Variants in MYRIP observed in about 807,000 individuals in gnomAD.
MYRIP encodes the protein rab effector MyRIP.
In MYRIP, 49 loss-of-function variants were observed where a neutral mutation model predicts 98.0. The ratio of observed to expected loss-of-function variants is 0.50; its 90% CI spans 0.40 to 0.63. The LOEUF (loss-of-function observed/expected upper bound fraction) is 0.63, where lower values mean the gene tolerates loss of function less well. Among genes scored for constraint, MYRIP ranks in the 30% least tolerant of loss-of-function variants. MYRIP has a pLI of 0.00. For synonymous variants in MYRIP, 404 were observed against 409.5 expected, an observed-to-expected ratio of 0.99 and a Z score of 0.16; for missense variants, 1,004 against 1,058.2, an observed-to-expected ratio of 0.95 and a Z score of 0.71.
At chr3:39,846,635 A>G (rs1378969743) in intron 1 of MYRIP, among the ~76,000 whole-genome samples, 1 of 152,172 alleles carries the variant, frequency 6.6e-6, no homozygotes, top group East Asian at 1.9e-4. Context: ...ATCAGATGCT[A>G]TTATCTACTT....
At chr3:40,192,255 C>T (rs1485965028) in intron 10 of MYRIP, among the ~76,000 whole-genome samples, 1 of 116,536 alleles carries the variant, frequency 8.6e-6, no homozygotes, top group Non-Finnish European at 1.7e-5. Flanking sequence ...GCAACAGGCC[C>T]TCACCTTTCT....
intron 2 of MYRIP, among the ~76,000 whole-genome samples, chr3:39,918,766 G>A (rs957507142): frequency 3.3e-5 from 5 of 152,222 alleles, no homozygotes; most frequent in Admixed American, 6.5e-5. Context: ...CCAAAAAACA[G>A]GTTATGGTGG....
chr3:40,158,898 G>A (rs964315361), intron 4 of MYRIP, among the ~76,000 whole-genome samples: 16 of 151,814 alleles, frequency 1.1e-4, no homozygotes, highest in African/African-American at 1.2e-4. Flanking sequence ...GTCTCTGCAC[G>A]TGAGATGGGT....
Position 40,023,358 on chromosome 3 carries a change from C to T in MYRIP, c.111-20692C>T, listed in dbSNP as rs1008396453. On this transcript the variant is annotated intron_variant, in intron 2 of 16. Transcript: ENST00000302541. ...AGTTTTTGATTTGGGAAACTGCTTA[C>T]AAGAGTATTAGAAGAGTTGGAAAAG... Among the ~76,000 whole-genome samples, 5 of 152,134 alleles carry T rather than the reference C, an allele frequency of 3.3e-5. No homozygotes were observed. In the East Asian group the frequency reaches 7.7e-4, roughly 23 times the overall value.
At chr3:39,985,803 C>T (rs1490632083) in intron 2 of MYRIP, among the ~76,000 whole-genome samples, 1 of 151,842 alleles carries the variant, frequency 6.6e-6, no homozygotes, top group Non-Finnish European at 1.5e-5. Flanking sequence ...ATACCAAAAT[C>T]AATTCAAGAT....
At chr3:40,196,365 C>T (rs1951394819) in intron 10 of MYRIP, among the ~76,000 whole-genome samples, 1 of 151,904 alleles carries the variant, frequency 6.6e-6, no homozygotes. Flanking sequence ...AATGAATTTT[C>T]CCTCAAATTC....
chr3:39,988,555 C>T (rs1302873626), intron 2 of MYRIP, among the ~76,000 whole-genome samples: 2 of 152,054 alleles, frequency 1.3e-5, no homozygotes, highest in Non-Finnish European at 2.9e-5. Flanking sequence ...GAATGTTGCC[C>T]TGTCTTGCTA....
chr3:40,137,900 T>A (rs1949814978), intron 3 of MYRIP, among the ~76,000 whole-genome samples: 1 of 152,212 alleles, frequency 6.6e-6, no homozygotes, highest in South Asian at 2.1e-4. Flanking sequence ...CCTCTGGCAC[T>A]CTCTTATCCT....
At chr3:40,008,866 C>T (rs892701237) in intron 2 of MYRIP, among the ~76,000 whole-genome samples, 5 of 152,198 alleles carry the variant, frequency 3.3e-5, no homozygotes, top group Non-Finnish European at 5.9e-5. Context: ...CAGACAGGAC[C>T]TAGGTAGCCT....
intron 2 of MYRIP, among the ~76,000 whole-genome samples, chr3:39,991,912 AATAGTGC>A (rs1246386934): frequency 6.6e-6 from 1 of 152,208 alleles, no homozygotes; most frequent in African/African-American, 2.4e-5. Context: ...GTGTTCCTAG[AATAGTGC>A]ATAGTGCACA....
At chr3:39,817,280 A>G (rs972647091) in intron 1 of MYRIP, among the ~76,000 whole-genome samples, 1 of 152,202 alleles carries the variant, frequency 6.6e-6, no homozygotes, top group Non-Finnish European at 1.5e-5. Flanking sequence ...GAAGAGAATG[A>G]GTTGAATGAC....
chr3:40,019,213 G>A (rs1946936266), intron 2 of MYRIP, among the ~76,000 whole-genome samples: 1 of 151,954 alleles, frequency 6.6e-6, no homozygotes, highest in South Asian at 2.1e-4. Flanking sequence ...TCATTCTTTG[G>A]GGTGGTGTGC....
chr3:39,978,629 C>T (rs1346939483), intron 2 of MYRIP, among the ~76,000 whole-genome samples: 1 of 152,208 alleles, frequency 6.6e-6, no homozygotes, highest in Non-Finnish European at 1.5e-5. Flanking sequence ...TGGCACAAGC[C>T]TGACCATGTG....
intron 3 of MYRIP, among the ~76,000 whole-genome samples, chr3:40,068,861 A>T (rs540525129): frequency 6.6e-6 from 1 of 152,330 alleles, no homozygotes; most frequent in East Asian, 1.9e-4. Flanking sequence ...AGGGCGGAAC[A>T]TTCATATCCA....
intron 13 of MYRIP, among the ~76,000 whole-genome samples, chr3:40,245,562 T>C (rs1033122160): frequency 1.3e-4 from 18 of 142,362 alleles, no homozygotes; most frequent in African/African-American, 4.7e-4. Context: ...GGCAGGAGAA[T>C]GGCATGAACC....
At chr3:40,005,238 G>A (rs1559557586) in intron 2 of MYRIP, among the ~76,000 whole-genome samples, 1 of 152,122 alleles carries the variant, frequency 6.6e-6, no homozygotes, top group Non-Finnish European at 1.5e-5. Context: ...TCCACACTTT[G>A]TGTGTCTTGT....
chr3:40,049,308 C>T (rs1488545009), intron 3 of MYRIP, among the ~76,000 whole-genome samples: 1 of 152,134 alleles, frequency 6.6e-6, no homozygotes, highest in Non-Finnish European at 1.5e-5. Context: ...AGCATAGGCT[C>T]ACTTCATGTC....
chr3:40,013,249 C>G (rs4234128), intron 2 of MYRIP, among the ~76,000 whole-genome samples: 5 of 151,968 alleles, frequency 3.3e-5, no homozygotes, highest in African/African-American at 1.2e-4. Context: ...TTATTACTCT[C>G]GTGTCAATCC....
chr3:40,118,142 T>G (rs989002373), intron 3 of MYRIP, among the ~76,000 whole-genome samples: 2 of 152,208 alleles, frequency 1.3e-5, no homozygotes, highest in Non-Finnish European at 2.9e-5. Context: ...CATAATATGA[T>G]AAATGTAAAT....
Sources: allele counts gnomAD v4.1 joint callset (sites outside exome capture counted in the v4.1 genomes callset), GRCh38; gene constraint gnomAD v4.1.1; transcripts MANE v1.5; gene names NCBI Gene and HGNC (gene_info 2026-07-23, HGNC 2026-07-21).